PHC2: variants seen among roughly 807,000 people sequenced by gnomAD.
PHC2 encodes the protein polyhomeotic homolog 2, also known as polyhomeotic-like protein 2.
Under a neutral mutation model 87.4 loss-of-function variants are expected in PHC2, and 29 were observed. That is an observed-to-expected ratio of 0.33 (90% confidence interval 0.25 to 0.45). The LOEUF (loss-of-function observed/expected upper bound fraction) is 0.45. PHC2 is among the 20% of genes least tolerant of loss of function. The pLI is 1.00. For synonymous variants in PHC2, 438 were observed against 461.7 expected (o/e 0.95, Z 0.66); for missense variants, 857 against 1,136.7 (o/e 0.75, Z 3.54).
chr1:33,416,682 C>CTA (rs1029593047), intron 1 of PHC2, among the ~76,000 whole-genome samples: 1 of 149,928 alleles, frequency 6.7e-6, no homozygotes, highest in African/African-American at 2.5e-5. Flanking sequence ...CTGGAAGAAA[C>CTA]TATTAACCTA....
intron 7 of PHC2, chr1:33,358,893 A>T (rs929695367): frequency 1.3e-5 from 2 of 152,200 alleles, no homozygotes; most frequent in Non-Finnish European, 2.9e-5. Flanking sequence ...CTGAGATGAC[A>T]ATCAGGCCGC....
In PHC2 at chr1:33,349,585, C is replaced by T; in HGVS notation, c.1558+4816G>A. 1 of 984,026 alleles carries T rather than the reference C, an allele frequency of 1.0e-6. No individual in the cohort carries two copies. The highest frequency in any genetic ancestry group is 1.2e-6 in the Non-Finnish European group (1 of 829,244). 61.0% of individuals were successfully genotyped at this position (984,026 alleles called of 1,614,324 possible). ...CTACTGGCGAGAACCCCTCCCCCGC[C>T]CCGGCACTGACCTGTCCAGGGCCCG... On this transcript the variant is annotated intron_variant, in intron 9 of 14. Transcript: ENST00000683057. The surrounding 1 kb of genome is among the most constrained non-coding windows in gnomAD (Gnocchi z 4.2).
At chr1:33,374,546 TC>T (rs1202862562) in intron 2 of PHC2, among the ~76,000 whole-genome samples, 1 of 152,200 alleles carries the variant, frequency 6.6e-6, no homozygotes, top group Non-Finnish European at 1.5e-5. Context: ...TTGTGGGTTC[TC>T]CCTTGTTCCC....
chr1:33,408,255 C>G (rs1649842071), intron 1 of PHC2, among the ~76,000 whole-genome samples: 2 of 152,156 alleles, frequency 1.3e-5, no homozygotes, highest in Non-Finnish European at 2.9e-5. Flanking sequence ...ACGTCAGAAT[C>G]TGTTCACAAG....
chr1:33,401,199 A>C (rs996465451), intron 1 of PHC2, among the ~76,000 whole-genome samples: 2 of 151,880 alleles, frequency 1.3e-5, no homozygotes, highest in African/African-American at 4.8e-5. Context: ...GGTGGCAGGC[A>C]CCTGTAGTCC....
rs1646913677 is a variant in PHC2, at chr1:33,349,406, C to A, written c.1558+4995G>T. 4 of 985,208 alleles carry A rather than the reference C, an allele frequency of 4.1e-6. No individual in the cohort carries two copies. The highest frequency in any genetic ancestry group is 4.8e-6 in the Non-Finnish European group (4 of 829,904). The allele number at this position is 985,208 out of a possible 1,614,324, so 61.0% of individuals were successfully genotyped here. A position where few individuals can be genotyped will look rare whatever the true frequency, so the allele number is the denominator to read the frequency against. On this transcript the variant is annotated intron_variant, in intron 9 of 14. Coordinates refer to ENST00000683057, the MANE Select transcript of PHC2 (RefSeq NM_001385109.1). The surrounding 1 kb of genome is among the most constrained non-coding windows in gnomAD (Gnocchi z 4.2). ...AGGGGCGACGGGCGCGCAGGGTCCC[C>A]AGGCGAGCGAGGCTGGGGAGCAGGG...
At chr1:33,344,354 T>C (rs1015106240) in intron 9 of PHC2, among the ~76,000 whole-genome samples, 5 of 152,244 alleles carry the variant, frequency 3.3e-5, no homozygotes, top group African/African-American at 1.2e-4. Flanking sequence ...CTAATATTGT[T>C]AGATAAATGT....
chr1:33,374,765 T>C (rs1424035934), intron 2 of PHC2, among the ~76,000 whole-genome samples: 2 of 152,232 alleles, frequency 1.3e-5, no homozygotes, highest in East Asian at 1.9e-4. Context: ...CTGAATGACC[T>C]TGAACAAGTT....
At chr1:33,350,970 CTT>C (rs1646961053) in intron 9 of PHC2, among the ~76,000 whole-genome samples, 1 of 152,110 alleles carries the variant, frequency 6.6e-6, no homozygotes, top group Admixed American at 6.5e-5. Context: ...GCCTCCCTCT[CTT>C]AAGTTCCACC....
At chr1:33,347,347 G>C in intron 9 of PHC2, 6 of 985,446 alleles carry the variant, frequency 6.1e-6, no homozygotes, top group Non-Finnish European at 7.2e-6. Context: ...GAGACCCACA[G>C]CCAGGAGAAT....
At chr1:33,418,373 GAGAGAGAGAA>G (rs936857301) in intron 1 of PHC2, among the ~76,000 whole-genome samples, 1 of 112,686 alleles carries the variant, frequency 8.9e-6, no homozygotes, top group East Asian at 2.8e-4. Context: ...AAGAGAGTGA[GAGAGAGAGAA>G]AGAGGACACA....
intron 7 of PHC2, among the ~76,000 whole-genome samples, chr1:33,358,598 G>C (rs1334380243): frequency 6.6e-6 from 1 of 152,046 alleles, no homozygotes; most frequent in Non-Finnish European, 1.5e-5. Flanking sequence ...CCAGCTTAGA[G>C]AGAGCAAACT....
chr1:33,403,778 C>A (rs1180802203), intron 1 of PHC2, among the ~76,000 whole-genome samples: 1 of 152,158 alleles, frequency 6.6e-6, no homozygotes, highest in Non-Finnish European at 1.5e-5. Flanking sequence ...TTCTCATTTT[C>A]TTTGGTGTCT....
intron 1 of PHC2, among the ~76,000 whole-genome samples, chr1:33,397,317 G>A (rs1261606668): frequency 6.6e-6 from 1 of 152,130 alleles, no homozygotes; most frequent in African/African-American, 2.4e-5. Flanking sequence ...CAGTAGTTGA[G>A]GGCCACTTCT....
At chr1:33,345,774 C>A in intron 9 of PHC2, 1 of 985,208 alleles carries the variant, frequency 1.0e-6, no homozygotes. Context: ...TGATTATTTT[C>A]CTAACAATTC....
At position 33,331,676 on chromosome 1, in the gene PHC2, T is replaced by G; in HGVS notation, c.1892-214A>C. 2 of 460,882 alleles carry G rather than the reference T, an allele frequency of 4.3e-6. No individual in the cohort carries two copies. The highest frequency in any genetic ancestry group is 7.7e-6 in the Non-Finnish European group (2 of 260,580). The allele number at this position is 460,882 out of a possible 1,614,324, so 28.5% of individuals were successfully genotyped here. On this transcript the variant is annotated intron_variant, in intron 11 of 14. Transcript: ENST00000683057. The surrounding 1 kb of genome is among the most constrained non-coding windows in gnomAD (Gnocchi z 5.2). ...GGGATGCCCCTTGTAGACTTGACATTTTTTTCTTCCACGTGGTCTGAGTCT... is the reference window on the plus strand; with the variant it reads ...GGGATGCCCCTTGTAGACTTGACATGTTTTTCTTCCACGTGGTCTGAGTCT...
chr1:33,337,164 A>G (rs957161125), intron 9 of PHC2, among the ~76,000 whole-genome samples: 1 of 152,182 alleles, frequency 6.6e-6, no homozygotes, highest in Non-Finnish European at 1.5e-5. Context: ...AGTCTAATGA[A>G]CTGCAGATTA....
Position 33,324,168 on chromosome 1 carries a change from T to G in PHC2, c.*697A>C, listed in dbSNP as rs1302057639. ...TCTTGGCTATTCCCCATCCTGAGGC[T>G]GAGTGGAGTCCAGGACAAAGCACTA... is the stretch of plus-strand genomic sequence containing the variant. On this transcript the variant is annotated 3_prime_UTR_variant, in exon 15 of 15. Coordinates refer to ENST00000683057, the MANE Select transcript of PHC2 (RefSeq NM_001385109.1). The G allele has an allele frequency of 1.3e-5, 2 of 152,802 alleles. No homozygotes were observed. The highest frequency in any genetic ancestry group is 2.9e-5 in the Non-Finnish European group (2 of 68,158). 9.5% of individuals were successfully genotyped at this position (152,802 alleles called of 1,614,324 possible). A position where few individuals can be genotyped will look rare whatever the true frequency, so the allele number is the denominator to read the frequency against.
At chr1:33,399,301 A>G (rs1421542147) in intron 1 of PHC2, among the ~76,000 whole-genome samples, 2 of 152,074 alleles carry the variant, frequency 1.3e-5, no homozygotes, top group African/African-American at 4.8e-5. Flanking sequence ...GTACCCTACA[A>G]AAGGTGCTGG....
Sources: allele counts gnomAD v4.1 joint callset (sites outside exome capture counted in the v4.1 genomes callset), GRCh38; gene constraint gnomAD v4.1.1; non-coding constraint Gnocchi (gnomAD v3.1); transcripts MANE v1.5; gene names NCBI Gene and HGNC (gene_info 2026-07-23, HGNC 2026-07-21).